The following MYO3A variants were observed in gnomAD, a reference collection of about 807,000 sequenced individuals.
The protein encoded by MYO3A is myosin-IIIa.
MYO3A carries 180 observed loss-of-function variants against 192.7 expected under a neutral mutation model. That is an observed-to-expected ratio of 0.93 (90% CI 0.83 to 1.06). MYO3A has a LOEUF of 1.06. Among genes scored for constraint, MYO3A ranks in the 50% least tolerant of loss-of-function variants. The pLI is 0.00. For synonymous variants in MYO3A, 628 were observed against 645.3 expected (o/e 0.97, Z 0.41); for missense variants, 1,896 against 1,905.0 (o/e 1.00, Z 0.09).
At chr10:26,117,672 T>G (rs938265657) in intron 17 of MYO3A, among the ~76,000 whole-genome samples, 1 of 152,236 alleles carries the variant, frequency 6.6e-6, no homozygotes, top group African/African-American at 2.4e-5. Context: ...GGACATGATC[T>G]CATTCTTTTC....
In MYO3A at chr10:26,153,788, G is replaced by A. The variant is rs1589045482; in HGVS notation, c.2636-62G>A. On this transcript the variant is annotated intron_variant, in intron 23 of 34. Coordinates refer to ENST00000642920, the MANE Select transcript of MYO3A (RefSeq NM_017433.5). ...CTTATTTTAACATTTAAGTAAATGG[G>A]AAAAATCATCTAGCCATTAAGGATT... 4 of 1,097,120 alleles carry A rather than the reference G, an allele frequency of 3.6e-6. No individual in the cohort carries two copies. In the South Asian group the frequency reaches 3.9e-5, roughly 11 times the overall value. 68.0% of individuals were successfully genotyped at this position (1,097,120 alleles called of 1,614,324 possible).
chr10:25,952,223 T>C lies in MYO3A; in HGVS notation c.113T>C (p.Val38Ala), dbSNP rs144518447. The C allele has an allele frequency of 7.4e-5, 120 of 1,612,906 alleles. No individual in the cohort carries two copies. In the African/African-American group the frequency reaches 1.1e-3, roughly 14 times the overall value. ...GGAACTTATGGGAAAGTTTTTAAAG[T>C]ATTGAATAAGAAAAATGGCCAAAAA... ...GKGTYGKVFK[V>A]LNKKNGQKAA... The change falls in exon 3 of 35, where the codon GTA becomes GCA. Residue 38 changes from valine to alanine, a missense_variant. Physicochemically the swap from Val to Ala is moderately conservative, Grantham distance 64. Transcript: ENST00000642920.
chr10:26,042,225 T>C (rs1490376168), intron 10 of MYO3A, among the ~76,000 whole-genome samples: 1 of 152,192 alleles, frequency 6.6e-6, no homozygotes, highest in East Asian at 1.9e-4. Flanking sequence ...TTACTTCTTT[T>C]GTCTCACTAC....
intron 10 of MYO3A, among the ~76,000 whole-genome samples, chr10:26,065,051 A>C (rs1273526159): frequency 6.6e-6 from 1 of 152,214 alleles, no homozygotes; most frequent in Non-Finnish European, 1.5e-5. Context: ...ATGTAACAGA[A>C]AGATAAGGAA....
At chr10:26,009,250 A>T (rs1199433453) in intron 6 of MYO3A, among the ~76,000 whole-genome samples, 1 of 151,944 alleles carries the variant, frequency 6.6e-6, no homozygotes, top group African/African-American at 2.4e-5. Flanking sequence ...GGGAGGAGGG[A>T]TAGCTTTAGG....
Position 26,120,623 on chromosome 10 carries a change from G to T in MYO3A, c.1777-53G>T, listed in dbSNP as rs1034524627. ...AGTCTGTCCCCAGCCATAGTCACTGGTTGGCTGTACTCAAGGAAAGAATGA... is the reference window on the plus strand; with the variant it reads ...AGTCTGTCCCCAGCCATAGTCACTGTTTGGCTGTACTCAAGGAAAGAATGA... On this transcript the variant is annotated intron_variant, in intron 17 of 34. Coordinates refer to ENST00000642920, the MANE Select transcript of MYO3A (RefSeq NM_017433.5). 5.0e-6 allele frequency: 8 copies of T among 1,611,650 alleles called. No individual in the cohort carries two copies. In the Admixed American group the frequency reaches 8.3e-5, roughly 17 times the overall value.
chr10:26,211,982 A>C lies in MYO3A; in HGVS notation c.*19A>C. The stretch of plus-strand genomic sequence containing the variant: ...GTCCTAACCGTTCAACGAGGCAGTC[A>C]CCGCCGTCGGAAGGCGCTGGAGCCT... On this transcript the variant is annotated 3_prime_UTR_variant, in exon 35 of 35. Transcript: ENST00000642920. 3.7e-6 allele frequency: 6 copies of C among 1,607,434 alleles called. No homozygotes were observed. The highest frequency in any genetic ancestry group is 5.1e-6 in the Non-Finnish European group (6 of 1,174,896).
At chr10:26,059,410 C>G (rs1179063886) in intron 10 of MYO3A, among the ~76,000 whole-genome samples, 1 of 152,216 alleles carries the variant, frequency 6.6e-6, no homozygotes, top group Non-Finnish European at 1.5e-5. Flanking sequence ...TGAATTTTGT[C>G]AGATGCTTTC....
At position 25,997,189 on chromosome 10, in the gene MYO3A, A is replaced by G. The variant is rs1447502767; in HGVS notation, c.439A>G (p.Ile147Val). The G allele has an allele frequency of 2.0e-5, 33 of 1,613,404 alleles. No individual in the cohort carries two copies. Among genetic ancestry groups the G allele is most frequent in the Non-Finnish European group, 2.8e-5 (33 of 1,179,566 alleles). Residue 147 changes from isoleucine to valine, a missense_variant, in exon 6 of 35, where the codon ATC becomes GTC. Transcript: ENST00000642920. Reference protein sequence around the residue: ...GLQHLHNNKTIHRDVKGNNIL... With the variant: ...GLQHLHNNKTVHRDVKGNNIL... Reference sequence around the variant, plus strand: ...TCAACATTTGCATAACAACAAAACTATCCACAGAGATGTGAAAGGCAATAA... The same window carrying G: ...TCAACATTTGCATAACAACAAAACTGTCCACAGAGATGTGAAAGGCAATAA...
intron 2 of MYO3A, among the ~76,000 whole-genome samples, chr10:25,938,760 A>G (rs1056663468): frequency 6.6e-6 from 1 of 152,206 alleles, no homozygotes; most frequent in Non-Finnish European, 1.5e-5. Context: ...CATGTTCTAT[A>G]TCAATGAGGC....
Position 26,088,243 on chromosome 10 carries a change from A to G in MYO3A, c.1400A>G (p.Asn467Ser), listed in dbSNP as rs756817412. ...TTGCAAGAGAAGATTTTACAAGTGA[A>G]CAATTTGGTAGAAGCCTTTGGCAAT... is the stretch of plus-strand genomic sequence containing the variant. Reference protein sequence around the residue: ...RTLQEKILQVNNLVEAFGNAC... With the variant: ...RTLQEKILQVSNLVEAFGNAC... Residue 467 changes from asparagine to serine, a missense_variant, in exon 15 of 35, where the codon AAC becomes AGC. Coordinates refer to ENST00000642920, the MANE Select transcript of MYO3A (RefSeq NM_017433.5). The G allele has an allele frequency of 2.5e-6, 4 of 1,612,968 alleles. No individual in the cohort carries two copies. The highest frequency in any genetic ancestry group is 3.4e-6 in the Non-Finnish European group (4 of 1,179,568).
At chr10:25,994,638 T>C (rs1237238124) in intron 4 of MYO3A, among the ~76,000 whole-genome samples, 3 of 152,224 alleles carry the variant, frequency 2.0e-5, no homozygotes, top group Non-Finnish European at 4.4e-5. Flanking sequence ...GTTTTTGCAG[T>C]GGCTGGTACT....
chr10:26,069,064 G>T (rs574873569), intron 12 of MYO3A, among the ~76,000 whole-genome samples, 180 bp downstream of exon 12: 1 of 152,170 alleles, frequency 6.6e-6, no homozygotes, highest in South Asian at 2.1e-4. Context: ...GGTGCAGTTT[G>T]TGGTCTTGCT....
intron 2 of MYO3A, among the ~76,000 whole-genome samples, chr10:25,945,518 C>A (rs888798573): frequency 2.6e-5 from 4 of 151,678 alleles, no homozygotes; most frequent in African/African-American, 9.7e-5. Flanking sequence ...AGTGTTTGTT[C>A]ATATATTTTG....
intron 4 of MYO3A, among the ~76,000 whole-genome samples, chr10:25,995,004 C>G (rs141199923): frequency 1.4e-4 from 22 of 152,024 alleles, no homozygotes; most frequent in Admixed American, 1.2e-3. Flanking sequence ...TTGCTCTTCT[C>G]GAGGAGTATC....
chr10:26,060,259 C>CAATAAATA (rs1456345707), intron 10 of MYO3A, among the ~76,000 whole-genome samples: 2 of 133,566 alleles, frequency 1.5e-5, no homozygotes, highest in East Asian at 4.0e-4. Flanking sequence ...AACTCCATCT[C>CAATAAATA]AATAAATAAA....
chr10:26,148,434 A>G (rs1276198367), intron 23 of MYO3A, among the ~76,000 whole-genome samples: 1 of 152,208 alleles, frequency 6.6e-6, no homozygotes, highest in African/African-American at 2.4e-5. Flanking sequence ...AGGCAGTACA[A>G]GTTAACCTGA....
At chr10:26,150,939 T>C (rs919352430) in intron 23 of MYO3A, among the ~76,000 whole-genome samples, 1 of 152,184 alleles carries the variant, frequency 6.6e-6, no homozygotes, top group Non-Finnish European at 1.5e-5. Flanking sequence ...AGCACTTATA[T>C]GGGTTATTTA....
At position 26,096,295 on chromosome 10, in the gene MYO3A, T is replaced by TC. The variant is rs1216958450; in HGVS notation, c.1563-85dup. ...GAAAAGCCCATATCAGCACTCACAG[T>TC]CGTTGTTCAAATAATTATATTGTCA... On this transcript the variant is annotated intron_variant, in intron 15 of 34. Transcript: ENST00000642920. 5 of 1,005,110 alleles carry TC rather than the reference T, an allele frequency of 5.0e-6. No individual in the cohort carries two copies. The African/African-American group carries it at 8.1e-5, about 16-fold the overall frequency. The allele number at this position is 1,005,110 out of a possible 1,614,324, so 62.3% of individuals were successfully genotyped here.
Sources: gnomAD v4.1 joint callset for allele counts (sites outside exome capture counted in the v4.1 genomes callset) on GRCh38, gnomAD v4.1.1 for gene constraint, MANE v1.5 for transcripts, NCBI Gene and HGNC (gene_info 2026-07-23, HGNC 2026-07-21) for gene names.